Variants in ARHGEF12 observed in about 807,000 individuals in gnomAD.
ARHGEF12 encodes Rho guanine nucleotide exchange factor 12.
ARHGEF12 carries 66 observed loss-of-function variants against 211.2 expected under a neutral mutation model. The observed-to-expected ratio is 0.31, with a 90% CI of 0.26 to 0.38. The LOEUF (loss-of-function observed/expected upper bound fraction) is 0.38. ARHGEF12 is among the 10% of genes least tolerant of loss of function. The pLI is 1.00. For synonymous variants in ARHGEF12, 592 were observed against 638.4 expected, an observed-to-expected ratio of 0.93 and a Z score of 1.09; for missense variants, 1,429 against 1,869.5, an observed-to-expected ratio of 0.76 and a Z score of 4.34.
intron 1 of ARHGEF12, among the ~76,000 whole-genome samples, chr11:120,371,780 G>A (rs1565435142): frequency 6.6e-6 from 1 of 152,118 alleles, no homozygotes; most frequent in Non-Finnish European, 1.5e-5. Context: ...TGGTTCTATT[G>A]TTGGATGTAT....
chr11:120,386,039 A>G (rs1287184087), intron 1 of ARHGEF12, among the ~76,000 whole-genome samples: 3 of 152,148 alleles, frequency 2.0e-5, no homozygotes, highest in Non-Finnish European at 1.5e-5. Flanking sequence ...ATTGAAATAT[A>G]TAATCATTGG....
chr11:120,401,810 G>A (rs1302190112), intron 1 of ARHGEF12, among the ~76,000 whole-genome samples: 2 of 151,948 alleles, frequency 1.3e-5, no homozygotes, highest in Non-Finnish European at 2.9e-5. Flanking sequence ...TTAAATCTGT[G>A]GTTTCATCAC....
chr11:120,441,603 A>T (rs548169306), intron 13 of ARHGEF12, 104 bp from the exon 14 acceptor site: 41 of 787,340 alleles, frequency 5.2e-5, no homozygotes, highest in Non-Finnish European at 7.8e-5. Flanking sequence ...AATTTTTTAT[A>T]GGGAGATCAA....
intron 1 of ARHGEF12, among the ~76,000 whole-genome samples, chr11:120,357,370 T>C (rs1943159167): frequency 6.6e-6 from 1 of 152,190 alleles, no homozygotes; most frequent in African/African-American, 2.4e-5. Flanking sequence ...TGTTTCTGCC[T>C]TTTAGGAACT....
At chr11:120,446,563 G>A (rs1399208246) in intron 17 of ARHGEF12, 55 bp downstream of exon 17, 2 of 1,415,738 alleles carry the variant, frequency 1.4e-6, no homozygotes, top group Non-Finnish European at 1.9e-6. Context: ...AATTTTTTTA[G>A]TTAAGAAAAA....
rs145898781 is a variant in ARHGEF12 at position 120,397,134 on chromosome 11, T to G, written c.33-8984T>G. On this transcript the variant is annotated intron_variant, in intron 1 of 40. Coordinates refer to ENST00000397843, the MANE Select transcript of ARHGEF12 (RefSeq NM_015313.3). ...TGCTATTATGTGTATCCCTGGGTTT[T>G]GTTTGTGTGTTTGTTTTCTACTTTC... 2.7e-3 allele frequency among the ~76,000 whole-genome samples: 412 copies of G among 152,362 alleles called. 7 individuals carry two copies. Among genetic ancestry groups the G allele is most frequent in the Admixed American group, 0.02 (306 of 15,298 alleles).
chr11:120,461,953 A>G (rs926461729), intron 27 of ARHGEF12, among the ~76,000 whole-genome samples: 5 of 128,216 alleles, frequency 3.9e-5, no homozygotes, highest in African/African-American at 1.2e-4. Flanking sequence ...TTAAGGGAAT[A>G]TTGTGGCTGA....
At chr11:120,435,656 A>G (rs934495651) in intron 11 of ARHGEF12, among the ~76,000 whole-genome samples, 2 of 151,720 alleles carry the variant, frequency 1.3e-5, no homozygotes. Context: ...CTGGGACTAC[A>G]GGTGTCTGCT....
chr11:120,377,689 A>G (rs1270594762), intron 1 of ARHGEF12, among the ~76,000 whole-genome samples: 1 of 151,978 alleles, frequency 6.6e-6, no homozygotes, highest in Non-Finnish European at 1.5e-5. Context: ...ATTGTTTCAT[A>G]TAATGGTAGT....
At chr11:120,399,865 C>CT (rs898381989) in intron 1 of ARHGEF12, among the ~76,000 whole-genome samples, 4 of 151,974 alleles carry the variant, frequency 2.6e-5, no homozygotes, top group African/African-American at 4.8e-5. Context: ...GAGTAGTACT[C>CT]TTTTTTTAAA....
chr11:120,341,553 T>C (rs1204041785), intron 1 of ARHGEF12, among the ~76,000 whole-genome samples: 2 of 152,194 alleles, frequency 1.3e-5, no homozygotes, highest in Non-Finnish European at 2.9e-5. Context: ...CTAAATGTCA[T>C]CCAGTGGTGG....
At chr11:120,458,644 T>A (rs1022461375) in intron 25 of ARHGEF12, 2 of 215,724 alleles carry the variant, frequency 9.3e-6, no homozygotes, top group South Asian at 1.5e-4. Context: ...AGTGCAGTGT[T>A]CTTTATTTAC....
intron 5 of ARHGEF12, 79 bp downstream of exon 5, chr11:120,420,930 G>C: frequency 8.2e-7 from 1 of 1,224,646 alleles, no homozygotes; most frequent in South Asian, 1.3e-5. Context: ...CAATTGCCAA[G>C]AATAGAATAA....
intron 1 of ARHGEF12, among the ~76,000 whole-genome samples, chr11:120,379,469 A>G (rs939347217): frequency 1.3e-5 from 2 of 151,468 alleles, no homozygotes; most frequent in Admixed American, 6.6e-5. Context: ...ACATCTTTTC[A>G]TTGTTCTCAA....
At chr11:120,470,457 C>T (rs974269932) in intron 30 of ARHGEF12, among the ~76,000 whole-genome samples, 1 of 152,262 alleles carries the variant, frequency 6.6e-6, no homozygotes, top group Admixed American at 6.5e-5. Context: ...AGAAGCCCCA[C>T]GTTTGTGGGG....
chr11:120,366,866 A>G (rs1943436478), intron 1 of ARHGEF12, among the ~76,000 whole-genome samples: 1 of 152,164 alleles, frequency 6.6e-6, no homozygotes, highest in Non-Finnish European at 1.5e-5. Context: ...AATATAAAAA[A>G]TTAGCTGGGC....
intron 36 of ARHGEF12, 88 bp downstream of exon 36, chr11:120,477,614 C>T: frequency 7.7e-7 from 1 of 1,303,292 alleles, no homozygotes; most frequent in Non-Finnish European, 1.1e-6. Flanking sequence ...CCTGTAATCC[C>T]AGTGCTTTGG....
intron 1 of ARHGEF12, among the ~76,000 whole-genome samples, chr11:120,357,054 A>G (rs1943150434): frequency 6.6e-6 from 1 of 150,594 alleles, no homozygotes; most frequent in Non-Finnish European, 1.5e-5. Flanking sequence ...TGAGACAGTC[A>G]CCCTCTGTTG....
At chr11:120,384,404 G>T (rs969711649) in intron 1 of ARHGEF12, among the ~76,000 whole-genome samples, 1 of 152,136 alleles carries the variant, frequency 6.6e-6, no homozygotes, top group African/African-American at 2.4e-5. Flanking sequence ...TTTTTCATTC[G>T]TTACTTATAT....
Sources: allele counts gnomAD v4.1 joint callset (sites outside exome capture counted in the v4.1 genomes callset), GRCh38; gene constraint gnomAD v4.1.1; transcripts MANE v1.5; gene names NCBI Gene and HGNC (gene_info 2026-07-23, HGNC 2026-07-21).